RASAL2: variants seen among roughly 807,000 people sequenced by gnomAD.
RASAL2 encodes ras GTPase-activating protein nGAP.
A neutral mutation model predicts 128.9 loss-of-function variants in RASAL2; 58 were observed. That is an observed-to-expected ratio of 0.45 (90% CI 0.36 to 0.56). The LOEUF (loss-of-function observed/expected upper bound fraction) is 0.56. RASAL2 is among the 20% of genes least tolerant of loss of function. RASAL2 has a pLI of 0.00. For missense variants in RASAL2, 1,360 were observed against 1,601.6 expected, an observed-to-expected ratio of 0.85 and a Z score of 2.57; for synonymous variants, 561 against 580.8, an observed-to-expected ratio of 0.97 and a Z score of 0.49.
At chr1:178,122,860 A>G (rs1172331581) in intron 1 of RASAL2, among the ~76,000 whole-genome samples, 5 of 150,528 alleles carry the variant, frequency 3.3e-5, no homozygotes, top group Admixed American at 6.6e-5. Flanking sequence ...TTGCTCACAC[A>G]CTACTTTGGA....
At chr1:178,388,064 CTG>C (rs942853256) in intron 3 of RASAL2, among the ~76,000 whole-genome samples, 21 of 151,972 alleles carry the variant, frequency 1.4e-4, no homozygotes, top group Non-Finnish European at 2.6e-4. Context: ...TTTAGTTTCT[CTG>C]TCAATTATTC....
rs530588480 is a variant in RASAL2, at chr1:178,102,323, T to A, written c.202+7629T>A. ...CTTAGAGATAACTATCATTTTTTTT[T>A]AAATATTATATTTTAGAGACGGGGT... On this transcript the variant is annotated intron_variant, in intron 1 of 17. Coordinates refer to ENST00000367649, the MANE Select transcript of RASAL2 (RefSeq NM_170692.4). Among the ~76,000 whole-genome samples, 46 of 152,278 alleles carry A rather than the reference T, an allele frequency of 3.0e-4. No individual in the cohort carries two copies. The South Asian group carries it at 5.0e-3, about 16-fold the overall frequency.
intron 1 of RASAL2, among the ~76,000 whole-genome samples, chr1:178,176,230 T>A (rs571926500): frequency 7.1e-6 from 1 of 140,314 alleles, no homozygotes; most frequent in East Asian, 2.0e-4. Context: ...TGTTGTTTTT[T>A]GACTCTAGTT....
chr1:178,320,666 G>T (rs956380774), intron 3 of RASAL2, among the ~76,000 whole-genome samples: 1 of 152,098 alleles, frequency 6.6e-6, no homozygotes, highest in Non-Finnish European at 1.5e-5. Flanking sequence ...CACGGTGCGC[G>T]CACCCACTGA....
At chr1:178,398,767 A>C (rs1347378577) in intron 4 of RASAL2, among the ~76,000 whole-genome samples, 1 of 152,196 alleles carries the variant, frequency 6.6e-6, no homozygotes, top group Non-Finnish European at 1.5e-5. Flanking sequence ...CAAAACCCTA[A>C]GAGTCATAAT....
intron 2 of RASAL2, among the ~76,000 whole-genome samples, chr1:178,299,682 A>T (rs1343026128): frequency 1.3e-5 from 2 of 151,928 alleles, no homozygotes; most frequent in Admixed American, 6.6e-5. Flanking sequence ...ATTTTTGTAG[A>T]AACAGGGTTT....
intron 4 of RASAL2, 47 bp downstream of exon 4, chr1:178,390,253 C>T (rs1242799538): frequency 7.0e-7 from 1 of 1,425,800 alleles, no homozygotes; most frequent in Admixed American, 1.8e-5. Flanking sequence ...TTCCTTTTCT[C>T]CTTTCTTCTT....
intron 3 of RASAL2, among the ~76,000 whole-genome samples, chr1:178,366,264 GT>G (rs1385098363): frequency 4.6e-5 from 7 of 152,080 alleles, no homozygotes; most frequent in African/African-American, 1.4e-4. Flanking sequence ...AATGTAAACT[GT>G]TGATAAATCT....
intron 3 of RASAL2, among the ~76,000 whole-genome samples, chr1:178,341,915 C>T (rs1669903449): frequency 6.6e-6 from 1 of 152,114 alleles, no homozygotes; most frequent in African/African-American, 2.4e-5. Flanking sequence ...TGAAATGGGT[C>T]CTTATTCTGG....
At chr1:178,276,568 G>C (rs1282207621) in intron 1 of RASAL2, among the ~76,000 whole-genome samples, 1 of 151,502 alleles carries the variant, frequency 6.6e-6, no homozygotes, top group African/African-American at 2.4e-5. Context: ...GCAGAGTACA[G>C]TGGTGTGATC....
intron 1 of RASAL2, among the ~76,000 whole-genome samples, chr1:178,251,174 C>G (rs545618364): frequency 6.6e-6 from 1 of 152,150 alleles, no homozygotes; most frequent in African/African-American, 2.4e-5. Flanking sequence ...ATCTAGCCAT[C>G]TAAAGCTAGG....
At chr1:178,170,129 A>G (rs1039361652) in intron 1 of RASAL2, among the ~76,000 whole-genome samples, 3 of 151,924 alleles carry the variant, frequency 2.0e-5, no homozygotes, top group Non-Finnish European at 2.9e-5. Flanking sequence ...CCTCTCTGTT[A>G]CTTGGTTGCT....
At position 178,153,939 on chromosome 1, in the gene RASAL2, G is replaced by A. The variant is rs532277010; in HGVS notation, c.202+59245G>A. Among the ~76,000 whole-genome samples, 31 of 152,150 alleles carry A rather than the reference G, an allele frequency of 2.0e-4. No homozygotes were observed. In the South Asian group the frequency reaches 5.8e-3, roughly 29 times the overall value. ...CAACCTCTACCTCCTGGGTGCAAGC[G>A]AGTCTCCTGCCTCAGCCTCCTGAGT... is the stretch of plus-strand genomic sequence containing the variant. On this transcript the variant is annotated intron_variant, in intron 1 of 17. Transcript: ENST00000367649.
intron 1 of RASAL2, among the ~76,000 whole-genome samples, chr1:178,191,533 C>T (rs1350802558): frequency 6.6e-6 from 1 of 152,128 alleles, no homozygotes; most frequent in African/African-American, 2.4e-5. Context: ...TTGGGTTGCA[C>T]GAATTTCAGT....
chr1:178,320,587 G>C (rs1571851833), intron 3 of RASAL2, among the ~76,000 whole-genome samples: 1 of 152,170 alleles, frequency 6.6e-6, no homozygotes, highest in East Asian at 1.9e-4. Context: ...TTCTTTGACT[G>C]GGAGAGGGAA....
chr1:178,177,345 A>G (rs1177780564), intron 1 of RASAL2, among the ~76,000 whole-genome samples: 8 of 152,164 alleles, frequency 5.3e-5, no homozygotes, highest in Admixed American at 5.2e-4. Flanking sequence ...GTAGTAATCT[A>G]TGTATATAAT....
At chr1:178,155,587 C>T (rs1315602033) in intron 1 of RASAL2, among the ~76,000 whole-genome samples, 6 of 151,788 alleles carry the variant, frequency 4.0e-5, no homozygotes, top group Admixed American at 2.6e-4. Context: ...AAGCAGCCTC[C>T]TACATCTTTT....
chr1:178,471,331 G>T (rs1257856040), intron 17 of RASAL2, among the ~76,000 whole-genome samples: 1 of 152,072 alleles, frequency 6.6e-6, no homozygotes, highest in Non-Finnish European at 1.5e-5. Flanking sequence ...TCACTGGCCA[G>T]TTCTTACCTA....
intron 1 of RASAL2, among the ~76,000 whole-genome samples, chr1:178,250,373 G>A (rs1664986151): frequency 2.0e-5 from 3 of 152,190 alleles, no homozygotes; most frequent in Admixed American, 6.5e-5. Context: ...CCTTAGCACT[G>A]TCAGGGGAAA....
Sources: allele counts gnomAD v4.1 joint callset (sites outside exome capture counted in the v4.1 genomes callset), GRCh38; gene constraint gnomAD v4.1.1; transcripts MANE v1.5; gene names NCBI Gene and HGNC (gene_info 2026-07-23, HGNC 2026-07-21).